UGT1A8: variants seen among roughly 807,000 people sequenced by gnomAD.
UGT1A8 encodes UDP-glucuronosyltransferase 1A8.
Under a neutral mutation model 45.3 loss-of-function variants are expected in UGT1A8, and 39 were observed. That is an observed-to-expected ratio of 0.86 (90% CI 0.67 to 1.12). The LOEUF (loss-of-function observed/expected upper bound fraction) is 1.12, where lower values mean the gene tolerates loss of function less well. UGT1A8 is among the 50% of genes most tolerant of loss of function. The pLI, the probability that UGT1A8 is intolerant of heterozygous loss-of-function variation, is 0.00. For synonymous variants in UGT1A8, 275 were observed against 249.2 expected (o/e 1.10, Z -0.97); for missense variants, 719 against 664.9 (o/e 1.08, Z -0.90).
chr2:233,719,313 C>T (rs745591224), intron 1 of UGT1A8: 2 of 1,613,954 alleles, frequency 1.2e-6, no homozygotes, highest in Non-Finnish European at 8.5e-7. Flanking sequence ...GGCTAAGTAC[C>T]TGTCGATTCC....
At chr2:233,652,790 C>G (rs1350580220) in intron 1 of UGT1A8, among the ~76,000 whole-genome samples, 2 of 152,048 alleles carry the variant, frequency 1.3e-5, no homozygotes, top group East Asian at 1.9e-4. Flanking sequence ...GAAGATGCAC[C>G]CTTATATGCA....
At chr2:233,729,765 C>T in intron 1 of UGT1A8, 2 of 1,613,978 alleles carry the variant, frequency 1.2e-6, no homozygotes, top group Admixed American at 1.7e-5. Flanking sequence ...GGGTCAAGAA[C>T]ATGCTCTACC....
intron 1 of UGT1A8, among the ~76,000 whole-genome samples, chr2:233,712,623 C>T (rs5020121): frequency 0.1 from 15,461 of 152,214 alleles, 906 homozygotes; most frequent in East Asian, 0.2. Flanking sequence ...GGTGACTCCT[C>T]AGACCTCAGC....
chr2:233,747,159 A>G lies in UGT1A8; in HGVS notation c.856-19875A>G, dbSNP rs145059616. 5.9e-5 allele frequency: 94 copies of G among 1,584,988 alleles called. 3 individuals carry two copies. The African/African-American group carries it at 1.2e-3, about 20-fold the overall frequency. Reference sequence around the variant, plus strand: ...CAAGGTAATTAAGATGAAGAAAACAAATGTAGGAGGCACAGCGTGGGGTGG... The same window carrying G: ...CAAGGTAATTAAGATGAAGAAAACAGATGTAGGAGGCACAGCGTGGGGTGG... On this transcript the variant is annotated intron_variant, in intron 1 of 4. Coordinates refer to ENST00000373450, the MANE Select transcript of UGT1A8 (RefSeq NM_019076.5).
chr2:233,757,311 G>T (rs1320628354), intron 1 of UGT1A8, among the ~76,000 whole-genome samples: 1 of 149,170 alleles, frequency 6.7e-6, no homozygotes, highest in Non-Finnish European at 1.5e-5. Context: ...GGGACAGGGG[G>T]GCTGGGGCCC....
chr2:233,718,776 G>A, intron 1 of UGT1A8: 1 of 1,612,920 alleles, frequency 6.2e-7, no homozygotes, highest in Middle Eastern at 2.0e-4. Flanking sequence ...AATGTAGCAG[G>A]CACAGCGTGG....
intron 1 of UGT1A8, among the ~76,000 whole-genome samples, chr2:233,628,866 G>A (rs2073138060): frequency 2.0e-5 from 3 of 152,030 alleles, no homozygotes; most frequent in Admixed American, 2.0e-4. Context: ...TACCTATTGA[G>A]ATAATTATAT....
intron 1 of UGT1A8, among the ~76,000 whole-genome samples, chr2:233,625,747 C>G (rs575585235): frequency 6.6e-6 from 1 of 151,704 alleles, no homozygotes; most frequent in Non-Finnish European, 1.5e-5. Flanking sequence ...AGTGGGTACT[C>G]ATGGGCATAA....
rs999993314 is a variant in UGT1A8 at position 233,702,022 on chromosome 2, C to CA, written c.856-65003dup. 3.8e-3 allele frequency among the ~76,000 whole-genome samples: 570 copies of CA among 150,354 alleles called. 6 individuals are homozygous for CA. Among genetic ancestry groups the CA allele is most frequent in the African/African-American group, 0.012 (497 of 41,028 alleles). ...AGCAGAACTGAAGGAAATAGAGACACAAAAAAAAACCCTTCAAAAAATTAA... is the reference window on the plus strand; with the variant it reads ...AGCAGAACTGAAGGAAATAGAGACACAAAAAAAAAACCCTTCAAAAAATTAA... On this transcript the variant is annotated intron_variant, in intron 1 of 4. Transcript: ENST00000373450.
chr2:233,748,015 C>T lies in UGT1A8; in HGVS notation c.856-19019C>T, dbSNP rs746722710. ...GACTTTGTGATGGATTACCCCAGGC[C>T]GATCATGCCCAACATGGTCTTCATT... is the stretch of plus-strand genomic sequence containing the variant. On this transcript the variant is annotated intron_variant, in intron 1 of 4. Coordinates refer to ENST00000373450, the MANE Select transcript of UGT1A8 (RefSeq NM_019076.5). The T allele has an allele frequency of 4.5e-4, 728 of 1,613,308 alleles. 4 individuals carry two copies. Among genetic ancestry groups the T allele is most frequent in the Middle Eastern group, 6.6e-4 (4 of 6,082 alleles).
At chr2:233,757,339 A>G (rs1013645188) in intron 1 of UGT1A8, among the ~76,000 whole-genome samples, 2 of 151,118 alleles carry the variant, frequency 1.3e-5, no homozygotes, top group African/African-American at 4.9e-5. Context: ...GGACCATGAC[A>G]GCTGGGTCTG....
intron 1 of UGT1A8, chr2:233,722,079 A>C (rs1416421217): frequency 4.1e-6 from 1 of 244,000 alleles, no homozygotes; most frequent in African/African-American, 2.3e-5. Context: ...AAGAATTTTC[A>C]CAGATCACCT....
At chr2:233,718,728 G>C in intron 1 of UGT1A8, 1 of 1,610,998 alleles carries the variant, frequency 6.2e-7, no homozygotes, top group Non-Finnish European at 8.5e-7. Flanking sequence ...TGATTTGCTA[G>C]GTGGCTCAAT....
intron 1 of UGT1A8, among the ~76,000 whole-genome samples, chr2:233,716,034 G>GCAT (rs1226945298): frequency 1.3e-5 from 2 of 152,146 alleles, no homozygotes; most frequent in Non-Finnish European, 2.9e-5. Flanking sequence ...TTTGATGTCA[G>GCAT]CATTCTGATT....
At chr2:233,620,609 T>C (rs748864368) in intron 1 of UGT1A8, among the ~76,000 whole-genome samples, 29 of 152,224 alleles carry the variant, frequency 1.9e-4, no homozygotes, top group Non-Finnish European at 3.2e-4. Context: ...TCTATATCTA[T>C]TAAAGAATAT....
chr2:233,647,959 T>C, intron 1 of UGT1A8: 2 of 1,607,404 alleles, frequency 1.2e-6, no homozygotes, highest in Non-Finnish European at 1.7e-6. Context: ...GTTCACCATG[T>C]GGTCGGTGGT....
At chr2:233,728,461 T>G (rs1047446637) in intron 1 of UGT1A8, among the ~76,000 whole-genome samples, 5 of 152,176 alleles carry the variant, frequency 3.3e-5, no homozygotes, top group African/African-American at 2.4e-5. Context: ...CAACAAAGTC[T>G]TCCCAAGAAT....
intron 1 of UGT1A8, among the ~76,000 whole-genome samples, chr2:233,717,560 C>T (rs2076588368): frequency 6.6e-6 from 1 of 152,246 alleles, no homozygotes; most frequent in Admixed American, 6.5e-5. Flanking sequence ...CAATGGCAGA[C>T]ATGGCCAGGC....
At chr2:233,759,792 T>C (rs945566213) in intron 1 of UGT1A8, among the ~76,000 whole-genome samples, 3 of 152,146 alleles carry the variant, frequency 2.0e-5, no homozygotes, top group African/African-American at 7.2e-5. Flanking sequence ...ATGAAACACA[T>C]GATACAAGTG....
Sources: allele counts gnomAD v4.1 joint callset (sites outside exome capture counted in the v4.1 genomes callset), GRCh38; gene constraint gnomAD v4.1.1; transcripts MANE v1.5; gene names NCBI Gene and HGNC (gene_info 2026-07-23, HGNC 2026-07-21).